Variants in EVL observed in about 807,000 individuals in gnomAD.
EVL encodes Enah/Vasp-like, also known as ena/VASP-like protein.
In EVL, 21 loss-of-function variants were observed where a neutral mutation model predicts 59.6. The ratio of observed to expected loss-of-function variants is 0.35; its 90% CI spans 0.25 to 0.51. The LOEUF (loss-of-function observed/expected upper bound fraction) is 0.51, where lower values mean the gene tolerates loss of function less well. EVL is among the 20% of genes least tolerant of loss of function. The pLI is 0.97. For missense variants in EVL, 462 were observed against 546.6 expected, an observed-to-expected ratio of 0.85 and a Z score of 1.54; for synonymous variants, 198 against 203.5, an observed-to-expected ratio of 0.97 and a Z score of 0.23.
intron 1 of EVL, among the ~76,000 whole-genome samples, chr14:100,077,977 G>A (rs189022679): frequency 9.2e-5 from 14 of 152,000 alleles, no homozygotes; most frequent in African/African-American, 2.9e-4. Context: ...GGGTTTCACC[G>A]GTTAGCCAGG....
intron 1 of EVL, among the ~76,000 whole-genome samples, chr14:99,991,762 T>C (rs1047926360): frequency 6.6e-6 from 1 of 152,204 alleles, no homozygotes; most frequent in African/African-American, 2.4e-5. Flanking sequence ...GGGTTAAGAA[T>C]ACAGTATATA....
chr14:100,036,044 CAGCAGGAGGTG>C (rs971101165), intron 1 of EVL, among the ~76,000 whole-genome samples: 3 of 152,210 alleles, frequency 2.0e-5, no homozygotes, highest in African/African-American at 7.2e-5. Flanking sequence ...CCATTCCACA[CAGCAGGAGGTG>C]AGCAGTGGTG....
intron 1 of EVL, among the ~76,000 whole-genome samples, chr14:100,035,053 T>C (rs1394603567): frequency 1.3e-5 from 2 of 152,250 alleles, no homozygotes; most frequent in Non-Finnish European, 2.9e-5. Flanking sequence ...GAATGAAGTT[T>C]GCCTTCTGTG....
intron 1 of EVL, among the ~76,000 whole-genome samples, chr14:99,984,422 C>T (rs2060827053): frequency 6.6e-6 from 1 of 152,142 alleles, no homozygotes; most frequent in Admixed American, 6.5e-5. Flanking sequence ...ATGGAGACCC[C>T]AGCCCCATCC....
rs1189795399 is a variant in EVL, at chr14:100,141,787, A to G, written c.1213A>G (p.Ile405Val). 6.2e-7 allele frequency: 1 copy of G among 1,613,174 alleles called. No homozygotes were observed. The highest frequency in any genetic ancestry group is 8.5e-7 in the Non-Finnish European group (1 of 1,179,898). ...RELHKVKEEI[I>V]DAIRQELSGI... is the part of the protein sequence containing the mutation. ...GCTCCACAAGGTGAAGGAGGAGATC[A>G]TCGACGGTGAGTGCAGCCCCACCGG... The change falls in exon 13 of 14, where the codon ATC becomes GTC. Residue 405 changes from isoleucine (I) to valine (V), a missense_variant. By Grantham distance (29) the Ile-to-Val change is conservative (BLOSUM62 3). Transcript: ENST00000392920.
intron 8 of EVL, among the ~76,000 whole-genome samples, chr14:100,133,404 A>G (rs1000243910): frequency 6.6e-6 from 1 of 152,236 alleles, no homozygotes; most frequent in African/African-American, 2.4e-5. Flanking sequence ...CTTAACTACA[A>G]ATGCCTTGAA....
intron 1 of EVL, among the ~76,000 whole-genome samples, chr14:100,008,049 G>A (rs1040104413): frequency 6.6e-6 from 1 of 152,168 alleles, no homozygotes; most frequent in African/African-American, 2.4e-5. Flanking sequence ...ATCTCCAGAC[G>A]TTGCCAAATG....
rs1429980544 is a variant in EVL at position 99,977,599 on chromosome 14, T to A, written c.5+5542T>A. On this transcript the variant is annotated intron_variant, in intron 1 of 13. Transcript: ENST00000402714. ...ATTTTCATCCGCCACTACGCGCGGC[T>A]AATATTTTGTATTTTTAGTAGAGAC... 3.9e-5 allele frequency among the ~76,000 whole-genome samples: 6 copies of A among 152,128 alleles called. No individual in the cohort carries two copies. In the East Asian group the frequency reaches 1.2e-3, roughly 30 times the overall value.
At chr14:100,033,798 C>T (rs1381476443) in intron 1 of EVL, among the ~76,000 whole-genome samples, 1 of 152,148 alleles carries the variant, frequency 6.6e-6, no homozygotes, top group Non-Finnish European at 1.5e-5. Flanking sequence ...AAAACTTATC[C>T]AGCATCACAC....
intron 1 of EVL, among the ~76,000 whole-genome samples, chr14:100,015,507 T>C (rs529452896): frequency 2.0e-5 from 3 of 152,242 alleles, no homozygotes; most frequent in Non-Finnish European, 4.4e-5. Flanking sequence ...GAGGGTATTC[T>C]TAGGAATGAC....
intron 1 of EVL, among the ~76,000 whole-genome samples, chr14:100,073,048 C>T (rs1045362313): frequency 4.6e-5 from 7 of 152,150 alleles, no homozygotes; most frequent in Non-Finnish European, 1.0e-4. Context: ...GTCTCTGTTT[C>T]TCGGTCACTG....
chr14:100,115,583 G>A (rs375772451), intron 3 of EVL, among the ~76,000 whole-genome samples: 4 of 152,342 alleles, frequency 2.6e-5, no homozygotes, highest in Non-Finnish European at 5.9e-5. Flanking sequence ...GACCCTGAGC[G>A]CCTAGACACA....
chr14:100,066,117 C>T (rs2140271065), intron 1 of EVL, among the ~76,000 whole-genome samples: 1 of 152,296 alleles, frequency 6.6e-6, no homozygotes, highest in Non-Finnish European at 1.5e-5. Context: ...TCTCCCCTGC[C>T]CTACAACTCT....
At chr14:100,096,595 T>C (rs550702720) in intron 2 of EVL, among the ~76,000 whole-genome samples, 4 of 152,334 alleles carry the variant, frequency 2.6e-5, no homozygotes, top group African/African-American at 9.6e-5. Context: ...TTAGATCATC[T>C]GACTCCAAGC....
Position 100,133,085 on chromosome 14 carries a change from C to T in EVL, c.900+306C>T, listed in dbSNP as rs1888542574. ...TCCCAGGAGCCCCGGGGAGCACAGA[C>T]CAGCCAGGGTCTCGGCGGGACTGGG... On this transcript the variant is annotated intron_variant, in intron 8 of 13. Transcript: ENST00000392920. Among the ~76,000 whole-genome samples the T allele has an allele frequency of 2.0e-5, 3 of 152,272 alleles. No individual in the cohort carries two copies. In the South Asian group the frequency reaches 6.2e-4, roughly 31 times the overall value.
At chr14:100,072,231 T>G (rs1004328549) in intron 1 of EVL, among the ~76,000 whole-genome samples, 1 of 152,168 alleles carries the variant, frequency 6.6e-6, no homozygotes, top group Non-Finnish European at 1.5e-5. Context: ...GGGTAACTTT[T>G]TTGTTGTTGT....
intron 1 of EVL, among the ~76,000 whole-genome samples, chr14:100,006,014 C>A (rs866398742): frequency 6.7e-5 from 10 of 149,720 alleles, no homozygotes; most frequent in African/African-American, 1.7e-4. Context: ...CCATTTCCCC[C>A]CCCCCCCCCA....
intron 1 of EVL, chr14:100,066,548 G>C (rs1459735200): frequency 2.0e-5 from 3 of 152,202 alleles, no homozygotes; most frequent in Non-Finnish European, 2.9e-5. Context: ...TTATTTTCCA[G>C]TTGGCTTTAT....
At chr14:100,009,132 G>A (rs1160438890) in intron 1 of EVL, among the ~76,000 whole-genome samples, 2 of 152,300 alleles carry the variant, frequency 1.3e-5, no homozygotes, top group East Asian at 3.9e-4. Context: ...TCCTTCTCCA[G>A]TGAGAACATG....
Sources: allele counts gnomAD v4.1 joint callset (sites outside exome capture counted in the v4.1 genomes callset), GRCh38; gene constraint gnomAD v4.1.1; transcripts MANE v1.5; gene names NCBI Gene and HGNC (gene_info 2026-07-23, HGNC 2026-07-21).